The following CADM2 variants were observed in gnomAD, a reference collection of about 807,000 sequenced individuals.
CADM2 encodes the protein immunoglobulin superfamily member 4D.
A neutral mutation model predicts 49.8 loss-of-function variants in CADM2; 12 were observed. The observed-to-expected ratio is 0.24, with a 90% CI of 0.15 to 0.39. The LOEUF (loss-of-function observed/expected upper bound fraction) is 0.39, where lower values mean the gene tolerates loss of function less well. Among genes scored for constraint, CADM2 ranks in the 10% least tolerant of loss-of-function variants. The pLI, the probability that CADM2 is intolerant of heterozygous loss-of-function variation, is 1.00. For synonymous variants in CADM2, 214 were observed against 175.4 expected (o/e 1.22, Z -1.74); for missense variants, 378 against 492.3 (o/e 0.77, Z 2.20).
At chr3:86,009,895 G>A (rs1731284740) in intron 8 of CADM2, among the ~76,000 whole-genome samples, 2 of 151,666 alleles carry the variant, frequency 1.3e-5, no homozygotes, top group South Asian at 2.1e-4. Flanking sequence ...AATGCATTAT[G>A]TCATATGATT....
intron 1 of CADM2, among the ~76,000 whole-genome samples, chr3:85,502,331 G>C (rs2040152802): frequency 6.6e-6 from 1 of 152,056 alleles, no homozygotes; most frequent in Non-Finnish European, 1.5e-5. Context: ...TGCTCAATTA[G>C]ACTCTTGAGA....
At chr3:85,672,174 A>C (rs1273707497) in intron 1 of CADM2, among the ~76,000 whole-genome samples, 1 of 150,304 alleles carries the variant, frequency 6.7e-6, no homozygotes, top group Non-Finnish European at 1.5e-5. Context: ...TAATTCTAAA[A>C]TTTACTTCTA....
chr3:85,217,040 A>G (rs1576142620), intron 1 of CADM2, among the ~76,000 whole-genome samples: 1 of 152,082 alleles, frequency 6.6e-6, no homozygotes, highest in East Asian at 1.9e-4. Flanking sequence ...TACTATTAAG[A>G]TTCACTAATG....
chr3:85,412,534 G>GT (rs11360883), intron 1 of CADM2, among the ~76,000 whole-genome samples: 1,967 of 145,514 alleles, frequency 0.014, 38 homozygotes, highest in African/African-American at 0.042. Flanking sequence ...TATGTAATTC[G>GT]TTTTTTTTTT....
At chr3:85,434,996 C>A (rs2036859282) in intron 1 of CADM2, among the ~76,000 whole-genome samples, 1 of 151,930 alleles carries the variant, frequency 6.6e-6, no homozygotes, top group South Asian at 2.1e-4. Flanking sequence ...ATTTACATGT[C>A]TTGATTTTAT....
chr3:85,581,092 A>G (rs1176054928), intron 1 of CADM2, among the ~76,000 whole-genome samples: 3 of 152,116 alleles, frequency 2.0e-5, no homozygotes, highest in Non-Finnish European at 2.9e-5. Flanking sequence ...ATTATTTTTA[A>G]TGATTACTCT....
intron 1 of CADM2, among the ~76,000 whole-genome samples, chr3:85,106,827 A>G (rs752591605): frequency 6.6e-6 from 1 of 152,168 alleles, no homozygotes; most frequent in Non-Finnish European, 1.5e-5. Flanking sequence ...TACAGCATTC[A>G]ACAAGTTGCC....
chr3:85,724,682 T>C (rs1434682670), intron 1 of CADM2, among the ~76,000 whole-genome samples: 1 of 152,082 alleles, frequency 6.6e-6, no homozygotes, highest in East Asian at 1.9e-4. Context: ...ATGCACACTT[T>C]TTTTTTAGGT....
chr3:85,775,983 G>T (rs148749733), intron 2 of CADM2, among the ~76,000 whole-genome samples: 90 of 151,834 alleles, frequency 5.9e-4, no homozygotes, highest in African/African-American at 2.0e-3. Flanking sequence ...CATTGATCTA[G>T]AAAATTACTT....
At chr3:85,607,976 AT>A (rs2063579352) in intron 1 of CADM2, among the ~76,000 whole-genome samples, 1 of 152,072 alleles carries the variant, frequency 6.6e-6, no homozygotes, top group South Asian at 2.1e-4. Context: ...ATTTAAAAAA[AT>A]ATACATTTAT....
chr3:85,559,062 A>G (rs1196454907), intron 1 of CADM2, among the ~76,000 whole-genome samples: 1 of 152,010 alleles, frequency 6.6e-6, no homozygotes, highest in Non-Finnish European at 1.5e-5. Flanking sequence ...TACACTTTCT[A>G]GATTATTTTT....
At chr3:85,793,690 GC>G (rs1305068583) in intron 2 of CADM2, among the ~76,000 whole-genome samples, 31 of 152,268 alleles carry the variant, frequency 2.0e-4, no homozygotes, top group African/African-American at 6.0e-4. Flanking sequence ...AGCACATTAA[GC>G]TTTTACTTGG....
intron 1 of CADM2, among the ~76,000 whole-genome samples, chr3:84,998,739 C>G (rs17022239): frequency 0.1 from 15,638 of 152,016 alleles, 1,649 homozygotes; most frequent in African/African-American, 0.27. Flanking sequence ...CAGAGCAATG[C>G]GTGTTTTCTT....
intron 1 of CADM2, among the ~76,000 whole-genome samples, chr3:85,110,692 C>T (rs1033512043): frequency 7.3e-5 from 11 of 151,698 alleles, no homozygotes; most frequent in Admixed American, 2.6e-4. Context: ...CACGCATATG[C>T]CCTTTCAGAA....
chr3:85,954,433 A>G (rs1178258718), intron 7 of CADM2, among the ~76,000 whole-genome samples: 1 of 151,114 alleles, frequency 6.6e-6, no homozygotes, highest in Admixed American at 6.6e-5. Flanking sequence ...TTAACTTCTG[A>G]CAGGAAGTTA....
chr3:85,121,481 G>C (rs1273776547), intron 1 of CADM2, among the ~76,000 whole-genome samples: 1 of 152,154 alleles, frequency 6.6e-6, no homozygotes, highest in East Asian at 1.9e-4. Flanking sequence ...AAAGGATAAA[G>C]AGATGAGAGA....
At chr3:85,845,293 A>C (rs1446153019) in intron 3 of CADM2, among the ~76,000 whole-genome samples, 1 of 152,060 alleles carries the variant, frequency 6.6e-6, no homozygotes, top group African/African-American at 2.4e-5. Context: ...GGCCAGTCAC[A>C]AGATAGATAG....
At chr3:85,675,970 A>G (rs1165190222) in intron 1 of CADM2, among the ~76,000 whole-genome samples, 1 of 152,238 alleles carries the variant, frequency 6.6e-6, no homozygotes, top group Non-Finnish European at 1.5e-5. Context: ...CAGCATTTAC[A>G]GGCTAATTAG....
chr3:85,960,359 C>T (rs182478174), intron 7 of CADM2, among the ~76,000 whole-genome samples: 1 of 151,898 alleles, frequency 6.6e-6, no homozygotes, highest in Admixed American at 6.6e-5. Flanking sequence ...TCAAATTTAA[C>T]AAAGCTTTTG....
Sources: gnomAD v4.1 joint callset for allele counts (sites outside exome capture counted in the v4.1 genomes callset) on GRCh38, gnomAD v4.1.1 for gene constraint, MANE v1.5 for transcripts, NCBI Gene and HGNC (gene_info 2026-07-23, HGNC 2026-07-21) for gene names.